The following E2F7 variants were observed in gnomAD, a reference collection of about 807,000 sequenced individuals.
The protein encoded by E2F7 is transcription factor E2F7.
A neutral mutation model predicts 81.1 loss-of-function variants in E2F7; 35 were observed. That is an observed-to-expected ratio of 0.43 (90% CI 0.33 to 0.57). The LOEUF is 0.57. E2F7 is among the 20% of genes least tolerant of loss of function. The pLI is 0.04. For synonymous variants in E2F7, 416 were observed against 416.2 expected (o/e 1.00, Z 0.01); for missense variants, 961 against 1,093.7 (o/e 0.88, Z 1.71).
chr12:77,058,543 C>G (rs920128460), intron 2 of E2F7, among the ~76,000 whole-genome samples: 4 of 152,160 alleles, frequency 2.6e-5, no homozygotes, highest in Non-Finnish European at 5.9e-5. Context: ...CCACTAGTAC[C>G]TAGCGAGAGG....
chr12:77,052,208 A>C (rs980625095), intron 3 of E2F7, among the ~76,000 whole-genome samples: 16 of 152,222 alleles, frequency 1.1e-4, no homozygotes, highest in Non-Finnish European at 2.1e-4. Context: ...GTTAATTTTT[A>C]ATCTCTAGAT....
In E2F7 at chr12:77,043,209, A is replaced by G; in HGVS notation, c.989-10T>C. The G allele has an allele frequency of 6.2e-7, 1 of 1,614,070 alleles. No individual in the cohort carries two copies. Among genetic ancestry groups the G allele is most frequent in the Non-Finnish European group, 8.5e-7 (1 of 1,179,986 alleles). On this transcript the variant is annotated splice_polypyrimidine_tract_variant and intron_variant, in intron 6 of 12. Coordinates refer to ENST00000322886, the MANE Select transcript of E2F7 (RefSeq NM_203394.3). The stretch of plus-strand genomic sequence containing the variant: ...AGGCGTCGTACCTTTGCTTGAAGAT[A>G]TAAAACACGATTACGGTCATGCTGC...
At chr12:77,055,542 G>A (rs1486540627) in intron 3 of E2F7, among the ~76,000 whole-genome samples, 1 of 151,466 alleles carries the variant, frequency 6.6e-6, no homozygotes, top group Non-Finnish European at 1.5e-5. Flanking sequence ...TAAAATCTGG[G>A]CAAAATTAAA....
Position 77,060,228 on chromosome 12 carries a change from TAG to T in E2F7, c.94-4100_94-4099del, listed in dbSNP as rs143028900. Among the ~76,000 whole-genome samples the T allele has an allele frequency of 4.1e-3, 622 of 152,224 alleles. 7 individuals carry two copies. Among genetic ancestry groups the T allele is most frequent in the African/African-American group, 0.014 (572 of 41,524 alleles). On this transcript the variant is annotated intron_variant, in intron 2 of 12. Coordinates refer to ENST00000322886, the MANE Select transcript of E2F7 (RefSeq NM_203394.3). ...ACACCCTGGAAATCACTCCCTCCATTAGAGTGTCCTGTGAAACGGCCCTCTAG... is the reference window on the plus strand; with the variant it reads ...ACACCCTGGAAATCACTCCCTCCATTAGTGTCCTGTGAAACGGCCCTCTAG...
At chr12:77,025,525 G>A (rs2120609224) in intron 12 of E2F7, 33 bp downstream of exon 12, 2 of 1,606,786 alleles carry the variant, frequency 1.2e-6, no homozygotes, top group East Asian at 4.5e-5. Context: ...CCTTCCCAGA[G>A]TGACAGTGTC....
chr12:77,049,382 G>A (rs534368973), intron 4 of E2F7, among the ~76,000 whole-genome samples: 2 of 152,200 alleles, frequency 1.3e-5, no homozygotes, highest in South Asian at 4.2e-4. Context: ...GACAGCTAGG[G>A]TATCAACATT....
At chr12:77,031,918 A>G (rs1954811069) in intron 9 of E2F7, among the ~76,000 whole-genome samples, 1 of 152,006 alleles carries the variant, frequency 6.6e-6, no homozygotes, top group South Asian at 2.1e-4. Context: ...TGGGTATATC[A>G]CCCACCATCC....
At chr12:77,050,842 C>A (rs746551873) in intron 3 of E2F7, 98 bp from the exon 4 acceptor site, 5 of 1,144,656 alleles carry the variant, frequency 4.4e-6, no homozygotes, top group South Asian at 1.5e-5. Context: ...GGGGACATCT[C>A]AATCCATACC....
At chr12:77,030,380 C>T (rs749290505) in intron 9 of E2F7, 48 bp from the exon 10 acceptor site, 2 of 1,509,658 alleles carry the variant, frequency 1.3e-6, no homozygotes, top group East Asian at 4.5e-5. Context: ...CTACCAACTC[C>T]TGACCCTTTA....
At chr12:77,040,676 T>C (rs887031797) in intron 7 of E2F7, among the ~76,000 whole-genome samples, 7 of 151,408 alleles carry the variant, frequency 4.6e-5, no homozygotes, top group African/African-American at 1.7e-4. Context: ...TCAGTGGTTG[T>C]CTGGGGATGG....
At chr12:77,056,303 GC>G (rs1379495719) in intron 2 of E2F7, among the ~76,000 whole-genome samples, 173 bp from the exon 3 acceptor site, 1 of 152,114 alleles carries the variant, frequency 6.6e-6, no homozygotes, top group Non-Finnish European at 1.5e-5. Flanking sequence ...TAGAAGAGTG[GC>G]TCCAATGAGA....
At chr12:77,029,092 A>G (rs1264516963) in intron 10 of E2F7, among the ~76,000 whole-genome samples, 1 of 152,234 alleles carries the variant, frequency 6.6e-6, no homozygotes, top group Non-Finnish European at 1.5e-5. Flanking sequence ...TGTCTTGGTT[A>G]CCTAAGACAT....
intron 2 of E2F7, among the ~76,000 whole-genome samples, chr12:77,062,602 T>TC (rs910512579): frequency 6.6e-6 from 1 of 151,138 alleles, no homozygotes; most frequent in African/African-American, 2.4e-5. Context: ...GAGTTTTTTT[T>TC]CCCCACACAC....
At chr12:77,033,572 T>C (rs1237128860) in intron 8 of E2F7, among the ~76,000 whole-genome samples, 1 of 152,210 alleles carries the variant, frequency 6.6e-6, no homozygotes, top group Non-Finnish European at 1.5e-5. Context: ...GTCTAATGAA[T>C]TTCTGAGATA....
intron 7 of E2F7, among the ~76,000 whole-genome samples, chr12:77,037,280 A>C (rs1258351558): frequency 6.6e-6 from 1 of 152,164 alleles, no homozygotes; most frequent in Non-Finnish European, 1.5e-5. Context: ...TTTTCTTATT[A>C]AAGTTTCTTC....
chr12:77,046,051 G>C lies in E2F7; in HGVS notation c.816C>G (p.Pro272=), dbSNP rs148199367. ...CAATGGACTCACAAGAGGGACAGTC[G>C]GGTTCAGAGAAATCCAGTAACTGTT... ...QEQQLLDFSE[P]DCPSSSANSR... The change falls in exon 5 of 13, where the codon CCC becomes CCG. Residue 272 remains proline (P), a synonymous_variant. Transcript: ENST00000322886. The C allele has an allele frequency of 6.2e-7, 1 of 1,613,852 alleles. No individual in the cohort carries two copies. The highest frequency in any genetic ancestry group is 2.2e-5 in the East Asian group (1 of 44,886).
At chr12:77,056,870 T>C (rs1380774628) in intron 2 of E2F7, among the ~76,000 whole-genome samples, 2 of 149,732 alleles carry the variant, frequency 1.3e-5, no homozygotes, top group African/African-American at 2.5e-5. Flanking sequence ...GAATTGCTAC[T>C]GAGGTTTATT....
chr12:77,056,234 A>G (rs182414502), intron 2 of E2F7, 104 bp from the exon 3 acceptor site: 236 of 1,216,436 alleles, frequency 1.9e-4, no homozygotes, highest in Admixed American at 1.2e-3. Flanking sequence ...TACAAATAGG[A>G]CCATATGTTT....
intron 3 of E2F7, among the ~76,000 whole-genome samples, chr12:77,053,260 A>G (rs1055033859): frequency 6.6e-6 from 1 of 152,160 alleles, no homozygotes; most frequent in Non-Finnish European, 1.5e-5. Context: ...TTATCTATTG[A>G]TAGTTAGCAT....
Sources: gnomAD v4.1 joint callset for allele counts (sites outside exome capture counted in the v4.1 genomes callset) on GRCh38, gnomAD v4.1.1 for gene constraint, MANE v1.5 for transcripts, NCBI Gene and HGNC (gene_info 2026-07-23, HGNC 2026-07-21) for gene names.